The following OTOG variants were observed in gnomAD, a reference collection of about 807,000 sequenced individuals.
OTOG encodes the protein otogelin.
In OTOG, 296 loss-of-function variants were observed where a neutral mutation model predicts 313.8. That is an observed-to-expected ratio of 0.94 (90% CI 0.86 to 1.04). OTOG has a LOEUF of 1.04. Among genes scored for constraint, OTOG ranks in the 50% least tolerant of loss-of-function variants. OTOG has a pLI of 0.00. For missense variants in OTOG, 3,948 were observed against 3,840.1 expected (o/e 1.03, Z -0.74); for synonymous variants, 1,533 against 1,554.9 (o/e 0.99, Z 0.33).
chr11:17,628,105 G>T (rs1193915284), intron 39 of OTOG, among the ~76,000 whole-genome samples: 4 of 151,662 alleles, frequency 2.6e-5, no homozygotes, highest in Non-Finnish European at 4.4e-5. Flanking sequence ...TACTAATTTT[G>T]GATTCGATTT....
At chr11:17,581,218 G>A (rs1852658286) in intron 23 of OTOG, among the ~76,000 whole-genome samples, 1 of 152,188 alleles carries the variant, frequency 6.6e-6, no homozygotes, top group Non-Finnish European at 1.5e-5. Context: ...CAGGAGGTTG[G>A]GTTGCAAGTC....
intron 23 of OTOG, among the ~76,000 whole-genome samples, chr11:17,585,481 C>T (rs1852771166): frequency 6.6e-6 from 1 of 152,146 alleles, no homozygotes; most frequent in Non-Finnish European, 1.5e-5. Flanking sequence ...TGATTTTTCT[C>T]TATTGTTCTG....
chr11:17,561,464 T>A (rs1166996743), intron 14 of OTOG, among the ~76,000 whole-genome samples, 198 bp from the exon 15 acceptor site: 1 of 152,186 alleles, frequency 6.6e-6, no homozygotes, highest in African/African-American at 2.4e-5. Context: ...AGGGCAGGGC[T>A]GTACCTCTCT....
At chr11:17,600,048 T>C (rs931076519) in intron 31 of OTOG, among the ~76,000 whole-genome samples, 5 of 152,250 alleles carry the variant, frequency 3.3e-5, no homozygotes, top group African/African-American at 7.2e-5. Context: ...GAACATCACC[T>C]TGGGTTCCCC....
At chr11:17,591,336 C>G (rs909230283) in intron 24 of OTOG, 114 bp from the exon 25 acceptor site, 1 of 1,399,036 alleles carries the variant, frequency 7.1e-7, no homozygotes, top group African/African-American at 1.4e-5. Flanking sequence ...TGTTTGTTGA[C>G]CTCTTTGCCG....
At chr11:17,637,214 A>T (rs1422404495) in intron 47 of OTOG, among the ~76,000 whole-genome samples, 2 of 152,268 alleles carry the variant, frequency 1.3e-5, no homozygotes, top group East Asian at 3.9e-4. Context: ...AAATCAGCTC[A>T]TCCTGGACAT....
intron 10 of OTOG, 27 bp downstream of exon 10, chr11:17,558,671 G>T: frequency 6.5e-7 from 1 of 1,541,980 alleles, no homozygotes; most frequent in Non-Finnish European, 8.7e-7. Context: ...TGGGCTATGG[G>T]GAACCCTCTA....
At position 17,638,522 on chromosome 11, in the gene OTOG, G is replaced by T. The variant is rs183470913; in HGVS notation, c.7867G>T (p.Asp2623Tyr). ...GTALVEVWSP[D>Y]RCCPYKSCEC... ...TGCCCTGGTGGAGGTGTGGAGCCCCGACCGCTGCTGCCCCTACAAATCCTG... is the reference window on the plus strand; with the variant it reads ...TGCCCTGGTGGAGGTGTGGAGCCCCTACCGCTGCTGCCCCTACAAATCCTG... The change falls in exon 48 of 56, where the codon GAC (aspartate) becomes TAC (tyrosine). Residue 2623 changes from aspartate (D) to tyrosine (Y), a missense_variant. Physicochemically the swap from Asp to Tyr is radical, Grantham distance 160. Coordinates refer to ENST00000399397, the MANE Select transcript of OTOG (RefSeq NM_001292063.2). 1 of 1,550,386 alleles carries T rather than the reference G, an allele frequency of 6.5e-7. No homozygotes were observed. The highest frequency in any genetic ancestry group is 1.2e-5 in the South Asian group (1 of 84,046).
In OTOG at chr11:17,593,693, G is replaced by T. The variant is rs1366910530; in HGVS notation, c.3225G>T (p.Glu1075Asp). 1 of 1,548,922 alleles carries T rather than the reference G, an allele frequency of 6.5e-7. No individual in the cohort carries two copies. The highest frequency in any genetic ancestry group is 1.4e-5 in the African/African-American group (1 of 72,988). Residue 1075 changes from glutamate (E) to aspartate (D), a missense_variant, in exon 27 of 56, where the codon GAG (glutamate) becomes GAT (aspartate). Coordinates refer to ENST00000399397, the MANE Select transcript of OTOG (RefSeq NM_001292063.2). ...TCACACTGGTGCATTTCCCACAGGA[G>T]CACATCACCCTCTTGTGGGACCAGA... ...GFFTLVHFPQ[E>D]HITLLWDQRT...
rs1034224794 is a variant in OTOG at position 17,548,146 on chromosome 11, C to G, written c.156-6C>G. 8 of 1,546,550 alleles carry G rather than the reference C, an allele frequency of 5.2e-6. No individual in the cohort carries two copies. The highest frequency in any genetic ancestry group is 7.0e-6 in the Non-Finnish European group (8 of 1,144,574). On this transcript the variant is annotated splice_region_variant and splice_polypyrimidine_tract_variant and intron_variant, in intron 2 of 55. Coordinates refer to ENST00000399397, the MANE Select transcript of OTOG (RefSeq NM_001292063.2). ...CCCATCCATGCCAGACTCGTGTTTC[C>G]TCCAGCAGCAGCCACCAGGAGGCGA... is the stretch of plus-strand genomic sequence containing the variant.
At chr11:17,578,974 A>G (rs1051865372) in intron 23 of OTOG, among the ~76,000 whole-genome samples, 2 of 152,200 alleles carry the variant, frequency 1.3e-5, no homozygotes, top group African/African-American at 4.8e-5. Flanking sequence ...AAATATTAAA[A>G]AAAGAAGACC....
In OTOG at chr11:17,570,790, G is replaced by C. The variant is rs924358018; in HGVS notation, c.1955+400G>C. The stretch of plus-strand genomic sequence containing the variant: ...ACTGATTTGGCTCATGGTTTTGTTT[G>C]TTTTAATTGAGGTGGACACCACCTT... On this transcript the variant is annotated intron_variant, in intron 17 of 55. Coordinates refer to ENST00000399397, the MANE Select transcript of OTOG (RefSeq NM_001292063.2). Among the ~76,000 whole-genome samples, 3 of 152,274 alleles carry C rather than the reference G, an allele frequency of 2.0e-5. No individual in the cohort carries two copies. In the South Asian group the frequency reaches 6.2e-4, roughly 32 times the overall value.
At chr11:17,608,632 GTAC>G (rs1196525057) in intron 34 of OTOG, among the ~76,000 whole-genome samples, 2 of 152,220 alleles carry the variant, frequency 1.3e-5, no homozygotes, top group African/African-American at 2.4e-5. Context: ...GTTTGTGCGT[GTAC>G]TACTACAACT....
intron 28 of OTOG, 133 bp from the exon 29 acceptor site, chr11:17,595,905 G>A: frequency 4.4e-6 from 3 of 679,842 alleles, no homozygotes; most frequent in Non-Finnish European, 8.0e-6. Context: ...CTACACTCAA[G>A]GGGAGGAGAT....
rs769211682 is a variant in OTOG, at chr11:17,602,251, G to A, written c.3751G>A (p.Gly1251Ser). The A allele has an allele frequency of 1.2e-4, 191 of 1,550,574 alleles. 1 individual carries two copies. The highest frequency in any genetic ancestry group is 9.6e-4 in the South Asian group (81 of 84,056). ...GPYQLSSLAA[G>S]GALVGMKAVG... ...CTATCAGCTATCCAGCTTGGCAGCCGGTGGTGCTCTGGTGGGCATGAAGGC... is the reference window on the plus strand; with the variant it reads ...CTATCAGCTATCCAGCTTGGCAGCCAGTGGTGCTCTGGTGGGCATGAAGGC... Residue 1251 changes from glycine (G) to serine (S), a missense_variant, in exon 32 of 56, where the codon GGT becomes AGT. Physicochemically the swap from Gly to Ser is moderately conservative, Grantham distance 56. Transcript: ENST00000399397.
rs1321645318 is a variant in OTOG, at chr11:17,609,150, T to A, written c.4295T>A (p.Val1432Glu). 3 of 1,550,564 alleles carry A rather than the reference T, an allele frequency of 1.9e-6. No individual in the cohort carries two copies. The East Asian group carries it at 7.3e-5, about 38-fold the overall frequency. The change falls in exon 35 of 56, where the codon GTG (valine) becomes GAG (glutamate). Residue 1432 changes from valine to glutamate, a missense_variant. Transcript: ENST00000399397. Reference sequence around the variant, plus strand: ...CTCAGGGTAGAAGGCTGTGTCCCTGTGTGCCCCACCCCCCAGGTCCTGGAT... The same window carrying A: ...CTCAGGGTAGAAGGCTGTGTCCCTGAGTGCCCCACCCCCCAGGTCCTGGAT... ...DVPRVEGCVP[V>E]CPTPQVLDEV...
chr11:17,598,043 T>G (rs151049319), intron 30 of OTOG, among the ~76,000 whole-genome samples: 31 of 152,346 alleles, frequency 2.0e-4, no homozygotes, highest in Middle Eastern at 3.4e-3. Flanking sequence ...GGTACTGACA[T>G]GTCCAGAGCC....
chr11:17,585,305 A>G (rs978982371), intron 23 of OTOG, among the ~76,000 whole-genome samples: 8 of 152,178 alleles, frequency 5.3e-5, no homozygotes, highest in African/African-American at 1.9e-4. Context: ...ATCGTACATC[A>G]TATTTCCTTA....
chr11:17,631,686 G>A lies in OTOG; in HGVS notation c.6713-16G>A, dbSNP rs1854130305. 1 of 1,544,584 alleles carries A rather than the reference G, an allele frequency of 6.5e-7. No individual in the cohort carries two copies. Among genetic ancestry groups the A allele is most frequent in the Admixed American group, 2.0e-5 (1 of 50,932 alleles). On this transcript the variant is annotated splice_polypyrimidine_tract_variant and intron_variant, in intron 40 of 55. Transcript: ENST00000399397. ...AGTGATGATCGTGGCTGTTGGGATT[G>A]TTTGGCCCCTTTCAGGTATCTGTGA...
Sources: gnomAD v4.1 joint callset for allele counts (sites outside exome capture counted in the v4.1 genomes callset) on GRCh38, gnomAD v4.1.1 for gene constraint, MANE v1.5 for transcripts, NCBI Gene and HGNC (gene_info 2026-07-23, HGNC 2026-07-21) for gene names.